OR2M7: variants seen among roughly 807,000 people sequenced by gnomAD.
OR2M7 encodes the protein olfactory receptor family 2 subfamily M member 7.
For synonymous variants in OR2M7, 129 were observed against 135.0 expected (o/e 0.96, Z 0.31); for missense variants, 390 against 386.8 (o/e 1.01, Z -0.07).
rs1449749940 is a variant in OR2M7, at chr1:248,323,696, G to A, written c.873C>T (p.Ser291=). ...CTCTGGTCACTTCCTTGTTGCGGAGGCTATAAATGAGAGGATTCAGCATGG... is the reference window on the plus strand; with the variant it reads ...CTCTGGTCACTTCCTTGTTGCGGAGACTATAAATGAGAGGATTCAGCATGG... The part of the protein sequence containing the change: ...VTPMLNPLIY[S]LRNKEVTRAL... The change falls in exon 1 of 1, where the codon AGC becomes AGT. Residue 291 remains serine, a synonymous_variant. Transcript: ENST00000317965. The A allele has an allele frequency of 1.1e-5, 18 of 1,612,444 alleles. No individual in the cohort carries two copies. The highest frequency in any genetic ancestry group is 1.7e-5 in the Admixed American group (1 of 59,862).
At position 248,323,977 on chromosome 1, in the gene OR2M7, C is replaced by T. The variant is rs374620647; in HGVS notation, c.592G>A (p.Val198Ile). The stretch of plus-strand genomic sequence containing the variant: ...ATTACTATACAGCAGATGAAAATAA[C>T]CTCTTCAAATATTGATGTGTCATTG... ...SCNDTSIFEE[V>I]IFICCIVMLV... Residue 198 changes from valine to isoleucine, a missense_variant, in exon 1 of 1, where the codon GTT becomes ATT. Val to Ile is a conservative substitution (Grantham distance 29). Coordinates refer to ENST00000317965, the MANE Select transcript of OR2M7 (RefSeq NM_001004691.1). 1.2e-6 allele frequency: 2 copies of T among 1,613,714 alleles called. No homozygotes were observed. Among genetic ancestry groups the T allele is most frequent in the Admixed American group, 1.7e-5 (1 of 59,976 alleles).
Position 248,323,770 on chromosome 1 carries a change from AATG to A in OR2M7, c.796_798del (p.His266del), listed in dbSNP as rs777357233. The A allele has an allele frequency of 6.2e-7, 1 of 1,613,704 alleles. No homozygotes were observed. Among genetic ancestry groups the A allele is most frequent in the Non-Finnish European group, 8.5e-7 (1 of 1,179,746 alleles). On this transcript the variant is annotated inframe_deletion, in exon 1 of 1. Coordinates refer to ENST00000317965, the MANE Select transcript of OR2M7 (RefSeq NM_001004691.1). ...GACACCATCTTGTCCTGCATAGGAG[AATG>A]ATGAGATGTGGGCTGAATGCACATG...
At position 248,324,260 on chromosome 1, in the gene OR2M7, G is replaced by C; in HGVS notation, c.309C>G (p.Phe103Leu). ...ATTCGGAGCCAAGCAATGATATATAGAAGAAAATTTGTGTGGCACAGCCAG... is the reference window on the plus strand; with the variant it reads ...ATTCGGAGCCAAGCAATGATATATACAAGAAAATTTGTGTGGCACAGCCAG... ...SMAGCATQIF[F>L]YISLLGSECF... The change falls in exon 1 of 1, where the codon TTC (phenylalanine) becomes TTG (leucine). Residue 103 changes from phenylalanine (F) to leucine (L), a missense_variant. Physicochemically the swap from Phe to Leu is conservative, Grantham distance 22. Transcript: ENST00000317965. 6.2e-7 allele frequency: 1 copy of C among 1,614,142 alleles called. No individual in the cohort carries two copies. Among genetic ancestry groups the C allele is most frequent in the East Asian group, 2.2e-5 (1 of 44,880 alleles).
At position 248,323,748 on chromosome 1, in the gene OR2M7, A is replaced by G. The variant is rs1660111484; in HGVS notation, c.821T>C (p.Val274Ala). 6.2e-7 allele frequency: 1 copy of G among 1,613,584 alleles called. No homozygotes were observed. Among genetic ancestry groups the G allele is most frequent in the Non-Finnish European group, 8.5e-7 (1 of 1,179,730 alleles). ...SHHSPMQDKM[V>A]SVFYTIVTPM... ...AGTGACGATGGTGTAGAATACAGAC[A>G]CCATCTTGTCCTGCATAGGAGAATG... is the stretch of plus-strand genomic sequence containing the variant. Residue 274 changes from valine (V) to alanine (A), a missense_variant, in exon 1 of 1, where the codon GTG becomes GCG. Val to Ala is a moderately conservative substitution (Grantham distance 64). Coordinates refer to ENST00000317965, the MANE Select transcript of OR2M7 (RefSeq NM_001004691.1).
rs773030643 is a variant in OR2M7 at position 248,324,339 on chromosome 1, G to A, written c.230C>T (p.Thr77Ile). The change falls in exon 1 of 1, where the codon ACT becomes ATT. Residue 77 changes from threonine to isoleucine, a missense_variant. Physicochemically the swap from Thr to Ile is moderately conservative, Grantham distance 89 (BLOSUM62 -1). Coordinates refer to ENST00000317965, the MANE Select transcript of OR2M7 (RefSeq NM_001004691.1). Reference protein sequence around the residue: ...SLMDLMLICTTVPKMAFNYLS... With the variant: ...SLMDLMLICTIVPKMAFNYLS... ...GTAGTTGAAGGCCATCTTGGGTACA[G>A]TGGTGCAGATGAGCATGAGGTCCAT... 4 of 1,614,076 alleles carry A rather than the reference G, an allele frequency of 2.5e-6. No homozygotes were observed. Among genetic ancestry groups the A allele is most frequent in the Non-Finnish European group, 3.4e-6 (4 of 1,179,952 alleles).
chr1:248,324,283 C>T lies in OR2M7; in HGVS notation c.286G>A (p.Gly96Ser), dbSNP rs142685597. ...LSGSKSISMAGCATQIFFYIS... is the reference protein window; with the variant it reads ...LSGSKSISMASCATQIFFYIS... Reference sequence around the variant, plus strand: ...TAGAAGAAAATTTGTGTGGCACAGCCAGCCATAGAAATGGACTTGCTGCCA... The same window carrying T: ...TAGAAGAAAATTTGTGTGGCACAGCTAGCCATAGAAATGGACTTGCTGCCA... The change falls in exon 1 of 1, where the codon GGC becomes AGC. Residue 96 changes from glycine (G) to serine (S), a missense_variant. Physicochemically the swap from Gly to Ser is moderately conservative, Grantham distance 56 (BLOSUM62 0). Coordinates refer to ENST00000317965, the MANE Select transcript of OR2M7 (RefSeq NM_001004691.1). 1 of 1,614,026 alleles carries T rather than the reference C, an allele frequency of 6.2e-7. No individual in the cohort carries two copies. The highest frequency in any genetic ancestry group is 1.3e-5 in the African/African-American group (1 of 74,904).
At position 248,324,563 on chromosome 1, in the gene OR2M7, T is replaced by C. The variant is rs1660130925; in HGVS notation, c.6A>G (p.Ala2=). Residue 2 remains alanine (A), a synonymous_variant, in exon 1 of 1, where the codon GCA becomes GCG. Transcript: ENST00000317965. M[A]WENQTFNSDF... ...CAGAGTTGAAGGTCTGATTCTCCCATGCCATGATGAATATGCCTGTTACCT... is the reference window on the plus strand; with the variant it reads ...CAGAGTTGAAGGTCTGATTCTCCCACGCCATGATGAATATGCCTGTTACCT... 1 of 1,594,992 alleles carries C rather than the reference T, an allele frequency of 6.3e-7. No homozygotes were observed.
rs758136919 is a variant in OR2M7, at chr1:248,323,806, C to A, written c.763G>T (p.Gly255Cys). 6.2e-7 allele frequency: 1 copy of A among 1,613,636 alleles called. No individual in the cohort carries two copies. Among genetic ancestry groups the A allele is most frequent in the South Asian group, 1.1e-5 (1 of 91,070 alleles). The stretch of plus-strand genomic sequence containing the variant: ...GTGGGCTGAATGCACATGAACAAAC[C>A]TGCTCCATAGTACATTCCCACCACC... ...LMVVGMYYGAGLFMCIQPTSH... is the reference protein window; with the variant it reads ...LMVVGMYYGACLFMCIQPTSH... Residue 255 changes from glycine to cysteine, a missense_variant, in exon 1 of 1, where the codon GGT becomes TGT. Transcript: ENST00000317965.
Position 248,323,798 on chromosome 1 carries a change from G to C in OR2M7, c.771C>G (p.Phe257Leu). 1 of 1,613,634 alleles carries C rather than the reference G, an allele frequency of 6.2e-7. No homozygotes were observed. The highest frequency in any genetic ancestry group is 1.1e-5 in the South Asian group (1 of 91,054). Residue 257 changes from phenylalanine to leucine, a missense_variant, in exon 1 of 1, where the codon TTC (phenylalanine) becomes TTG (leucine). By Grantham distance (22) the Phe-to-Leu change is conservative. Coordinates refer to ENST00000317965, the MANE Select transcript of OR2M7 (RefSeq NM_001004691.1). The stretch of plus-strand genomic sequence containing the variant: ...GATGAGATGTGGGCTGAATGCACAT[G>C]AACAAACCTGCTCCATAGTACATTC... ...VVGMYYGAGLFMCIQPTSHHS... is the reference protein window; with the variant it reads ...VVGMYYGAGLLMCIQPTSHHS...
Position 248,323,924 on chromosome 1 carries a change from G to C in OR2M7, c.645C>G (p.Ile215Met). The C allele has an allele frequency of 6.2e-7, 1 of 1,613,238 alleles. No individual in the cohort carries two copies. Among genetic ancestry groups the C allele is most frequent in the African/African-American group, 1.3e-5 (1 of 75,016 alleles). ...VMLVFPVAIIITSYARVILAV... is the reference protein window; with the variant it reads ...VMLVFPVAIIMTSYARVILAV... ...CCAGAATAACTCGAGCATAGGAAGT[G>C]ATGATGATTGCAACAGGGAAAACAA... Residue 215 changes from isoleucine to methionine, a missense_variant, in exon 1 of 1, where the codon ATC becomes ATG. Ile to Met is a conservative substitution (Grantham distance 10). Transcript: ENST00000317965.
At position 248,323,843 on chromosome 1, in the gene OR2M7, G is replaced by A; in HGVS notation, c.726C>T (p.Ser242=). ...EGRRKAFTTC[S]SHLMVVGMYY... is the part of the protein sequence containing the mutation. ...ACATTCCCACCACCATGAGGTGAGAGGAACAAGTAGTAAAAGCTTTGCGAC... is the reference window on the plus strand; with the variant it reads ...ACATTCCCACCACCATGAGGTGAGAAGAACAAGTAGTAAAAGCTTTGCGAC... Residue 242 remains serine (S), a synonymous_variant, in exon 1 of 1, where the codon TCC becomes TCT. Coordinates refer to ENST00000317965, the MANE Select transcript of OR2M7 (RefSeq NM_001004691.1). 1 of 1,613,224 alleles carries A rather than the reference G, an allele frequency of 6.2e-7. No homozygotes were observed. The highest frequency in any genetic ancestry group is 8.5e-7 in the Non-Finnish European group (1 of 1,179,810).
At position 248,323,965 on chromosome 1, in the gene OR2M7, A is replaced by G; in HGVS notation, c.604T>C (p.Cys202Arg). The G allele has an allele frequency of 6.2e-7, 1 of 1,613,916 alleles. No individual in the cohort carries two copies. Residue 202 changes from cysteine (C) to arginine (R), a missense_variant, in exon 1 of 1, where the codon TGC becomes CGC. Coordinates refer to ENST00000317965, the MANE Select transcript of OR2M7 (RefSeq NM_001004691.1). ...GGGAAAACAAGCATTACTATACAGC[A>G]GATGAAAATAACCTCTTCAAATATT... is the stretch of plus-strand genomic sequence containing the variant. ...TSIFEEVIFICCIVMLVFPVA... is the reference protein window; with the variant it reads ...TSIFEEVIFIRCIVMLVFPVA...
Position 248,323,734 on chromosome 1 carries a change from T to A in OR2M7, c.835A>T (p.Thr279Ser). The A allele has an allele frequency of 6.2e-7, 1 of 1,613,648 alleles. No homozygotes were observed. Among genetic ancestry groups the A allele is most frequent in the Non-Finnish European group, 8.5e-7 (1 of 1,179,692 alleles). Residue 279 changes from threonine to serine, a missense_variant, in exon 1 of 1, where the codon ACC becomes TCC. Thr to Ser is a moderately conservative substitution (Grantham distance 58). Coordinates refer to ENST00000317965, the MANE Select transcript of OR2M7 (RefSeq NM_001004691.1). ...GGATTCAGCATGGGAGTGACGATGGTGTAGAATACAGACACCATCTTGTCC... is the reference window on the plus strand; with the variant it reads ...GGATTCAGCATGGGAGTGACGATGGAGTAGAATACAGACACCATCTTGTCC... ...MQDKMVSVFYTIVTPMLNPLI... is the reference protein window; with the variant it reads ...MQDKMVSVFYSIVTPMLNPLI...
In OR2M7 at chr1:248,324,058, A is replaced by G. The variant is rs1481259055; in HGVS notation, c.511T>C (p.Ser171Pro). ...VATFSFSYCG[S>P]REIAHFCCDF... ...CAGCAGAAGTGGGCTATTTCCCGAG[A>G]CCCACAGTAGGAGAAGGAAAATGTC... Residue 171 changes from serine to proline, a missense_variant, in exon 1 of 1, where the codon TCT (serine) becomes CCT (proline). Ser to Pro is a moderately conservative substitution (Grantham distance 74). Coordinates refer to ENST00000317965, the MANE Select transcript of OR2M7 (RefSeq NM_001004691.1). 32 of 1,613,740 alleles carry G rather than the reference A, an allele frequency of 2.0e-5. No homozygotes were observed. The highest frequency in any genetic ancestry group is 2.7e-5 in the Non-Finnish European group (32 of 1,179,838).
In OR2M7 at chr1:248,324,180, A is replaced by C; in HGVS notation, c.389T>G (p.Leu130Arg). The C allele has an allele frequency of 6.2e-7, 1 of 1,613,988 alleles. No individual in the cohort carries two copies. Among genetic ancestry groups the C allele is most frequent in the Non-Finnish European group, 8.5e-7 (1 of 1,179,894 alleles). Residue 130 changes from leucine to arginine, a missense_variant, in exon 1 of 1, where the codon CTA becomes CGA. Leu to Arg is a moderately radical substitution (Grantham distance 102). Transcript: ENST00000317965. ...YDRYTAICHPLRYTNLMRPKI... is the reference protein window; with the variant it reads ...YDRYTAICHPRRYTNLMRPKI... ...GGGTCTCATGAGATTGGTGTATCTT[A>C]GAGGGTGGCAAATGGCAGTGTAGCG...
chr1:248,324,238 C>T lies in OR2M7; in HGVS notation c.331G>A (p.Glu111Lys), dbSNP rs138244705. 2.0e-5 allele frequency: 33 copies of T among 1,613,934 alleles called. No homozygotes were observed. The highest frequency in any genetic ancestry group is 2.5e-5 in the Non-Finnish European group (29 of 1,179,992). ...IFFYISLLGS[E>K]CFLLAVMSYD... ...GACATAACAGCCAACAGAAAGCATT[C>T]GGAGCCAAGCAATGATATATAGAAG... The change falls in exon 1 of 1, where the codon GAA becomes AAA. Residue 111 changes from glutamate to lysine, a missense_variant. By Grantham distance (56) the Glu-to-Lys change is moderately conservative. Coordinates refer to ENST00000317965, the MANE Select transcript of OR2M7 (RefSeq NM_001004691.1).
In OR2M7 at chr1:248,323,951, C is replaced by A; in HGVS notation, c.618G>T (p.Met206Ile). The A allele has an allele frequency of 1.9e-6, 3 of 1,613,682 alleles. No homozygotes were observed. The highest frequency in any genetic ancestry group is 2.5e-6 in the Non-Finnish European group (3 of 1,179,832). ...TGATGATTGCAACAGGGAAAACAAG[C>A]ATTACTATACAGCAGATGAAAATAA... ...EEVIFICCIV[M>I]LVFPVAIIIT... Residue 206 changes from methionine to isoleucine, a missense_variant, in exon 1 of 1, where the codon ATG becomes ATT. Physicochemically the swap from Met to Ile is conservative, Grantham distance 10. Transcript: ENST00000317965.
Position 248,323,664 on chromosome 1 carries a change from A to G in OR2M7, c.905T>C (p.Met302Thr), listed in dbSNP as rs1368337645. Residue 302 changes from methionine to threonine, a missense_variant, in exon 1 of 1, where the codon ATG becomes ACG. Met to Thr is a moderately conservative substitution (Grantham distance 81). Coordinates refer to ENST00000317965, the MANE Select transcript of OR2M7 (RefSeq NM_001004691.1). Reference protein sequence around the residue: ...LRNKEVTRALMKILGKGKSGD With the variant: ...LRNKEVTRALTKILGKGKSGD ...AGACTTGCCCTTTCCTAAGATTTTC[A>G]TTAATGCTCTGGTCACTTCCTTGTT... The G allele has an allele frequency of 1.3e-6, 2 of 1,594,304 alleles. No individual in the cohort carries two copies. Among genetic ancestry groups the G allele is most frequent in the South Asian group, 1.1e-5 (1 of 87,242 alleles).
rs78048200 is a variant in OR2M7 at position 248,324,353 on chromosome 1, C to T, written c.216G>A (p.Met72Ile). ...LLSQLSLMDL[M>I]LICTTVPKMA... ...TCTTGGGTACAGTGGTGCAGATGAG[C>T]ATGAGGTCCATGAGGGACAGTTGGC... Residue 72 changes from methionine (M) to isoleucine (I), a missense_variant, in exon 1 of 1, where the codon ATG becomes ATA. By Grantham distance (10) the Met-to-Ile change is conservative (BLOSUM62 1). Transcript: ENST00000317965. 32 of 1,613,836 alleles carry T rather than the reference C, an allele frequency of 2.0e-5. No homozygotes were observed. The highest frequency in any genetic ancestry group is 2.5e-5 in the Non-Finnish European group (30 of 1,179,932).
Sources: gnomAD v4.1 joint callset for allele counts on GRCh38, gnomAD v4.1.1 for gene constraint, MANE v1.5 for transcripts, NCBI Gene and HGNC (gene_info 2026-07-23, HGNC 2026-07-21) for gene names.